UNC13C: variants seen among roughly 807,000 people sequenced by gnomAD.
UNC13C encodes protein unc-13 homolog C.
In UNC13C, 174 loss-of-function variants were observed where a neutral mutation model predicts 245.4. That is an observed-to-expected ratio of 0.71 (90% CI 0.63 to 0.80). The LOEUF (loss-of-function observed/expected upper bound fraction) is 0.80. Ranked by LOEUF, UNC13C falls within the 30% of genes least tolerant of loss-of-function variation. The probability of loss-of-function intolerance (pLI) is 0.00; values close to 1 mark genes in which losing one functional copy is unlikely to be tolerated. For missense variants in UNC13C, 2,829 were observed against 2,602.9 expected (o/e 1.09, Z -1.89); for synonymous variants, 992 against 895.1 (o/e 1.11, Z -1.93).
At chr15:54,473,548 C>T (rs555563485) in intron 19 of UNC13C, among the ~76,000 whole-genome samples, 66 of 151,840 alleles carry the variant, frequency 4.3e-4, no homozygotes, top group African/African-American at 1.6e-3. Context: ...TCATTCTACC[C>T]TCTAACTCCA....
At chr15:54,586,849 A>G (rs1262590783) in intron 30 of UNC13C, among the ~76,000 whole-genome samples, 3 of 152,248 alleles carry the variant, frequency 2.0e-5, no homozygotes, top group African/African-American at 4.8e-5. Flanking sequence ...AAATCGTTGC[A>G]TTCCTGATAA....
intron 13 of UNC13C, among the ~76,000 whole-genome samples, chr15:54,307,846 G>C (rs765983241): frequency 1.3e-5 from 2 of 151,906 alleles, no homozygotes; most frequent in Non-Finnish European, 2.9e-5. Flanking sequence ...AAACAGAAGT[G>C]ACATTTAAGT....
intron 19 of UNC13C, among the ~76,000 whole-genome samples, chr15:54,434,969 A>T (rs1291958218): frequency 6.6e-6 from 1 of 152,150 alleles, no homozygotes; most frequent in African/African-American, 2.4e-5. Context: ...GCCAACAAAC[A>T]CATGAAAAAA....
chr15:54,095,587 A>G (rs926184743), intron 2 of UNC13C, among the ~76,000 whole-genome samples: 1 of 152,224 alleles, frequency 6.6e-6, no homozygotes, highest in Non-Finnish European at 1.5e-5. Flanking sequence ...GGTAGCTTGA[A>G]GAAATGCTGA....
chr15:54,633,275 C>G (rs1308438284), downstream of UNC13C: 1 of 152,174 alleles, frequency 6.6e-6, no homozygotes, highest in Non-Finnish European at 1.5e-5. Flanking sequence ...AATTCGTGGG[C>G]ACAGTATATG....
the UNC13C span, among the ~76,000 whole-genome samples, chr15:53,940,674 C>T: frequency 2.3e-4 from 35 of 152,036 alleles, no homozygotes; most frequent in African/African-American, 7.0e-4. Context: ...ACACCAACAA[C>T]AGACAAGCAG....
intron 30 of UNC13C, chr15:54,609,590 A>G (rs1175610793): frequency 1.3e-5 from 2 of 152,140 alleles, no homozygotes; most frequent in East Asian, 3.9e-4. Flanking sequence ...TAAACAATTC[A>G]GATAATATGA....
At chr15:54,097,954 T>C (rs1436860961) in intron 2 of UNC13C, among the ~76,000 whole-genome samples, 1 of 152,226 alleles carries the variant, frequency 6.6e-6, no homozygotes, top group Non-Finnish European at 1.5e-5. Context: ...GTATGCGAAA[T>C]GACTGTGAAC....
chr15:54,602,692 C>G (rs1038886239), intron 30 of UNC13C, among the ~76,000 whole-genome samples: 1 of 152,060 alleles, frequency 6.6e-6, no homozygotes, highest in East Asian at 1.9e-4. Flanking sequence ...TCAAAGAAAA[C>G]TTTGCCAGTC....
the UNC13C span, among the ~76,000 whole-genome samples, chr15:53,853,895 A>T: frequency 6.6e-6 from 1 of 151,946 alleles, no homozygotes; most frequent in Non-Finnish European, 1.5e-5. Flanking sequence ...TGGATATTAG[A>T]CCTTTGTCAG....
intron 17 of UNC13C, among the ~76,000 whole-genome samples, chr15:54,348,494 T>C (rs2038909804): frequency 6.6e-6 from 1 of 152,168 alleles, no homozygotes; most frequent in South Asian, 2.1e-4. Flanking sequence ...AAATGAAAAT[T>C]CTATCAAAAA....
chr15:54,461,504 A>G (rs535129743), intron 19 of UNC13C, among the ~76,000 whole-genome samples: 1 of 152,324 alleles, frequency 6.6e-6, no homozygotes, highest in East Asian at 1.9e-4. Context: ...AATTTGATTT[A>G]TATATGTGTG....
At chr15:53,987,214 T>A (rs1014424132) in intron 1 of UNC13C, among the ~76,000 whole-genome samples, 59 of 152,072 alleles carry the variant, frequency 3.9e-4, no homozygotes, top group Admixed American at 3.9e-3. Context: ...AGGCATTTCT[T>A]GGTTGGTTAA....
intron 18 of UNC13C, among the ~76,000 whole-genome samples, chr15:54,402,832 A>G (rs894501967): frequency 6.6e-6 from 1 of 152,246 alleles, no homozygotes; most frequent in Non-Finnish European, 1.5e-5. Flanking sequence ...GATGGTGAGC[A>G]TTAATCCTTC....
At chr15:54,630,310 A>G (rs1459514840), downstream of UNC13C, 1 of 152,230 alleles carries the variant, frequency 6.6e-6, no homozygotes, top group Non-Finnish European at 1.5e-5. Context: ...CTTCTAGGAT[A>G]ATTTATAACT....
At chr15:54,587,781 C>G (rs955195634) in intron 30 of UNC13C, among the ~76,000 whole-genome samples, 1 of 151,682 alleles carries the variant, frequency 6.6e-6, no homozygotes, top group Non-Finnish European at 1.5e-5. Context: ...TCTACACAAA[C>G]AGCAAACATC....
In UNC13C at chr15:54,250,265, A is replaced by G; in HGVS notation, c.3269A>G (p.Tyr1090Cys). Residue 1090 changes from tyrosine to cysteine, a missense_variant, in exon 8 of 33, where the codon TAC (tyrosine) becomes TGC (cysteine). Tyr to Cys is a radical substitution (Grantham distance 194). Coordinates refer to ENST00000260323, the MANE Select transcript of UNC13C (RefSeq NM_001080534.3). The stretch of plus-strand genomic sequence containing the variant: ...AAGAAGACCTTGCAGGCACTGATCT[A>G]CCCTATGTCTTCTACCATCCCACAC... The part of the protein sequence containing the change: ...VFKKTLQALI[Y>C]PMSSTIPHNF... The G allele has an allele frequency of 1.2e-6, 2 of 1,613,906 alleles. No individual in the cohort carries two copies. The highest frequency in any genetic ancestry group is 1.7e-6 in the Non-Finnish European group (2 of 1,179,884).
intron 19 of UNC13C, among the ~76,000 whole-genome samples, chr15:54,455,164 C>CCTCTCTCTCTCTCTCTCTCTCTCTCT (rs1203605020): frequency 2.9e-4 from 5 of 17,520 alleles, no homozygotes; most frequent in Admixed American, 1.8e-3. Flanking sequence ...GAGTCATATT[C>CCTCTCTCTCTCTCTCTCTCTCTCTCT]CTCTCTCTCT....
chr15:54,567,483 G>A (rs1373590250), intron 29 of UNC13C, among the ~76,000 whole-genome samples: 5 of 152,114 alleles, frequency 3.3e-5, no homozygotes, highest in African/African-American at 1.2e-4. Context: ...GTTGATAATT[G>A]TTACCTAAAC....
Sources: allele counts gnomAD v4.1 joint callset (sites outside exome capture counted in the v4.1 genomes callset), GRCh38; gene constraint gnomAD v4.1.1; transcripts MANE v1.5; gene names NCBI Gene and HGNC (gene_info 2026-07-23, HGNC 2026-07-21).